The following CFAP299 variants were observed in gnomAD, a reference collection of about 807,000 sequenced individuals.
CFAP299 encodes cilia and flagella associated protein 299.
In CFAP299, 21 loss-of-function variants were observed where a neutral mutation model predicts 27.0. That is an observed-to-expected ratio of 0.78 (90% CI 0.55 to 1.12). CFAP299 has a LOEUF of 1.12. CFAP299 is among the 50% of genes most tolerant of loss of function. The pLI is 0.00. For synonymous variants in CFAP299, 104 were observed against 98.1 expected (o/e 1.06, Z -0.36); for missense variants, 310 against 276.6 (o/e 1.12, Z -0.86).
In CFAP299 at chr4:80,618,020, G is replaced by A. The variant is rs561133125; in HGVS notation, c.333+34837G>A. On this transcript the variant is annotated intron_variant, in intron 3 of 5. Coordinates refer to ENST00000358105, the MANE Select transcript of CFAP299 (RefSeq NM_152770.3). Reference sequence around the variant, plus strand: ...GGAAAAGAAACTAACCATCAAAATTGGAGGAATAAAAGAAAAATTTGTGAT... The same window carrying A: ...GGAAAAGAAACTAACCATCAAAATTAGAGGAATAAAAGAAAAATTTGTGAT... Among the ~76,000 whole-genome samples the A allele has an allele frequency of 1.3e-4, 20 of 152,150 alleles. No individual in the cohort carries two copies. In the South Asian group the frequency reaches 2.1e-3, roughly 16 times the overall value.
chr4:80,578,861 A>G (rs2109865669), intron 2 of CFAP299, among the ~76,000 whole-genome samples: 1 of 152,252 alleles, frequency 6.6e-6, no homozygotes, highest in East Asian at 1.9e-4. Context: ...GTCTTAGAAA[A>G]TTCATTTTAG....
At chr4:80,575,137 T>G (rs1735787288) in intron 2 of CFAP299, among the ~76,000 whole-genome samples, 1 of 152,126 alleles carries the variant, frequency 6.6e-6, no homozygotes, top group African/African-American at 2.4e-5. Flanking sequence ...TTTAATTTTG[T>G]TACTTTTTAT....
chr4:80,911,266 C>T (rs1158845686), intron 4 of CFAP299, among the ~76,000 whole-genome samples: 1 of 127,946 alleles, frequency 7.8e-6, no homozygotes, highest in Non-Finnish European at 1.7e-5. Flanking sequence ...ATATTGTAAT[C>T]ATTATTTTTT....
chr4:80,627,202 C>A (rs182960498), intron 3 of CFAP299, among the ~76,000 whole-genome samples: 2 of 151,658 alleles, frequency 1.3e-5, no homozygotes, highest in Non-Finnish European at 2.9e-5. Context: ...ATATGCAAAT[C>A]GGTAAATGTA....
intron 4 of CFAP299, among the ~76,000 whole-genome samples, chr4:80,895,410 T>C (rs1734566587): frequency 1.3e-5 from 2 of 152,058 alleles, no homozygotes; most frequent in South Asian, 4.1e-4. Context: ...GTGAAATACT[T>C]TGTAGAATTT....
intron 5 of CFAP299, among the ~76,000 whole-genome samples, chr4:80,949,523 A>G (rs1001750747): frequency 2.0e-4 from 25 of 122,916 alleles, no homozygotes; most frequent in African/African-American, 7.2e-4. Context: ...TTAAAGTATA[A>G]TAAAATTTAA....
chr4:80,468,463 T>C (rs1387093603), intron 2 of CFAP299, among the ~76,000 whole-genome samples: 1 of 151,912 alleles, frequency 6.6e-6, no homozygotes, highest in East Asian at 1.9e-4. Context: ...GCTCAAAGTG[T>C]TCCACCCGCC....
intron 3 of CFAP299, among the ~76,000 whole-genome samples, chr4:80,637,577 C>A (rs1160864295): frequency 6.6e-6 from 1 of 152,076 alleles, no homozygotes; most frequent in Admixed American, 6.6e-5. Flanking sequence ...AGCACTATAG[C>A]ATTTCATTTT....
At chr4:80,448,540 T>G (rs1728748858) in intron 2 of CFAP299, among the ~76,000 whole-genome samples, 1 of 152,184 alleles carries the variant, frequency 6.6e-6, no homozygotes, top group Non-Finnish European at 1.5e-5. Flanking sequence ...CCACTAACTC[T>G]ATTAAACCTT....
intron 3 of CFAP299, among the ~76,000 whole-genome samples, chr4:80,764,817 G>A (rs1192877972): frequency 2.0e-5 from 3 of 151,032 alleles, no homozygotes; most frequent in Non-Finnish European, 4.4e-5. Flanking sequence ...AGTTGAAAAC[G>A]ATCAGCAAAC....
intron 3 of CFAP299, among the ~76,000 whole-genome samples, chr4:80,744,961 T>C (rs574545802): frequency 1.3e-5 from 2 of 152,276 alleles, no homozygotes; most frequent in Admixed American, 1.3e-4. Flanking sequence ...TCCATCCAGA[T>C]ACTATGTGCC....
In CFAP299 at chr4:80,647,485, A is replaced by G. The variant is rs530006438; in HGVS notation, c.333+64302A>G. On this transcript the variant is annotated intron_variant, in intron 3 of 5. Coordinates refer to ENST00000358105, the MANE Select transcript of CFAP299 (RefSeq NM_152770.3). ...CAAATATTGCTAAATAATTAGTATAATAGAAAGTCTCTGAATCTGTGCCTA... is the reference window on the plus strand; with the variant it reads ...CAAATATTGCTAAATAATTAGTATAGTAGAAAGTCTCTGAATCTGTGCCTA... 2.0e-5 allele frequency among the ~76,000 whole-genome samples: 3 copies of G among 152,162 alleles called. No individual in the cohort carries two copies. The East Asian group carries it at 5.8e-4, about 29-fold the overall frequency.
At chr4:80,480,202 G>C (rs143583193) in intron 2 of CFAP299, among the ~76,000 whole-genome samples, 105 of 151,936 alleles carry the variant, frequency 6.9e-4, no homozygotes, top group African/African-American at 2.3e-3. Flanking sequence ...ACAAATGTTA[G>C]GTGGAAAATG....
At chr4:80,403,816 G>T (rs113863956) in intron 2 of CFAP299, among the ~76,000 whole-genome samples, 1 of 152,040 alleles carries the variant, frequency 6.6e-6, no homozygotes, top group Non-Finnish European at 1.5e-5. Context: ...GCTCACCTCT[G>T]TCTTATCAGA....
At position 80,673,260 on chromosome 4, in the gene CFAP299, G is replaced by T. The variant is rs529544854; in HGVS notation, c.333+90077G>T. ...ACGTCTTTATTTCTGCCTTCATTTCGTTATTTACCCAGTAGTCACTCAGGA... is the reference window on the plus strand; with the variant it reads ...ACGTCTTTATTTCTGCCTTCATTTCTTTATTTACCCAGTAGTCACTCAGGA... On this transcript the variant is annotated intron_variant, in intron 3 of 5. Transcript: ENST00000358105. Among the ~76,000 whole-genome samples, 6 of 152,032 alleles carry T rather than the reference G, an allele frequency of 3.9e-5. No homozygotes were observed. The South Asian group carries it at 1.2e-3, about 32-fold the overall frequency.
At chr4:80,562,644 C>T (rs891382677) in intron 2 of CFAP299, among the ~76,000 whole-genome samples, 5 of 146,058 alleles carry the variant, frequency 3.4e-5, no homozygotes, top group Middle Eastern at 3.5e-3. Context: ...GGCAATACAG[C>T]GAGACTCAAT....
intron 3 of CFAP299, among the ~76,000 whole-genome samples, chr4:80,737,360 G>A (rs1439147358): frequency 6.6e-6 from 1 of 151,896 alleles, no homozygotes; most frequent in African/African-American, 2.4e-5. Flanking sequence ...AAAAAAGAAT[G>A]GTATTATTTC....
chr4:80,857,030 C>G (rs1731949333), intron 3 of CFAP299, among the ~76,000 whole-genome samples: 1 of 151,990 alleles, frequency 6.6e-6, no homozygotes. Flanking sequence ...TTCTTCCTAC[C>G]CATGAGCATG....
At chr4:80,371,097 C>A (rs1392173931) in intron 2 of CFAP299, among the ~76,000 whole-genome samples, 1 of 152,228 alleles carries the variant, frequency 6.6e-6, no homozygotes, top group African/African-American at 2.4e-5. Flanking sequence ...AGTCCTAACA[C>A]CACATTGAAG....
Sources: gnomAD v4.1 joint callset for allele counts (sites outside exome capture counted in the v4.1 genomes callset) on GRCh38, gnomAD v4.1.1 for gene constraint, MANE v1.5 for transcripts, NCBI Gene and HGNC (gene_info 2026-07-23, HGNC 2026-07-21) for gene names.